KCNAB2: variants seen among roughly 807,000 people sequenced by gnomAD.
KCNAB2 encodes voltage-gated potassium channel subunit beta-2.
KCNAB2 carries 29 observed loss-of-function variants against 63.6 expected under a neutral mutation model. The ratio of observed to expected loss-of-function variants is 0.46; its 90% CI spans 0.34 to 0.62. The LOEUF (loss-of-function observed/expected upper bound fraction) is 0.62. Among genes scored for constraint, KCNAB2 ranks in the 20% least tolerant of loss-of-function variants. The probability of loss-of-function intolerance (pLI) is 0.01; values close to 1 mark genes in which losing one functional copy is unlikely to be tolerated. For synonymous variants in KCNAB2, 222 were observed against 224.2 expected (o/e 0.99, Z 0.09); for missense variants, 359 against 563.9 (o/e 0.64, Z 3.68).
rs1375499432 is a variant in KCNAB2 at position 6,071,892 on chromosome 1, T to A, written c.219-863T>A. Reference sequence around the variant, plus strand: ...GTGGGCTCCTCCTGCCGCGTAGGGCTCCTCCTGCCGCGTAGGGCTCCCGGG... The same window carrying A: ...GTGGGCTCCTCCTGCCGCGTAGGGCACCTCCTGCCGCGTAGGGCTCCCGGG... On this transcript the variant is annotated intron_variant, in intron 2 of 15. Coordinates refer to ENST00000378083, the MANE Select transcript of KCNAB2 (RefSeq NM_001199862.2). The surrounding 1 kb of genome is among the most constrained non-coding windows in gnomAD (Gnocchi z 8.5). 6.6e-5 allele frequency among the ~76,000 whole-genome samples: 10 copies of A among 151,104 alleles called. No individual in the cohort carries two copies. Among genetic ancestry groups the A allele is most frequent in the Admixed American group, 5.9e-4 (9 of 15,210 alleles).
chr1:6,095,117 G>A (rs1181172669), intron 11 of KCNAB2, among the ~76,000 whole-genome samples: 3 of 152,238 alleles, frequency 2.0e-5, no homozygotes, highest in Non-Finnish European at 2.9e-5. Context: ...CCGGCCTGGG[G>A]GTCCCACCAC....
chr1:6,095,661 GA>G (rs1325769522), intron 13 of KCNAB2, 37 bp downstream of exon 13: 2 of 1,597,844 alleles, frequency 1.3e-6, no homozygotes, highest in African/African-American at 2.7e-5. Flanking sequence ...ACGGGCAGGG[GA>G]TAGGCATTTT....
rs930834287 is a variant in KCNAB2 at position 6,069,257 on chromosome 1, A to G, written c.219-3498A>G. ...CCTCCGCAACCAGCTAGCCAAGGCC[A>G]CGGTGCTTGCCCTTCACCTGATCAC... On this transcript the variant is annotated intron_variant, in intron 2 of 15. Transcript: ENST00000378083. The surrounding 1 kb of genome is among the most constrained non-coding windows in gnomAD (Gnocchi z 5.4). Among the ~76,000 whole-genome samples the G allele has an allele frequency of 1.1e-4, 17 of 152,222 alleles. No individual in the cohort carries two copies. Among genetic ancestry groups the G allele is most frequent in the African/African-American group, 3.9e-4 (16 of 41,458 alleles).
At position 6,073,129 on chromosome 1, in the gene KCNAB2, C is replaced by T. The variant is rs758076431; in HGVS notation, c.262+331C>T. On this transcript the variant is annotated intron_variant, in intron 3 of 15. Coordinates refer to ENST00000378083, the MANE Select transcript of KCNAB2 (RefSeq NM_001199862.2). This position sits in a 1 kb window ranked among gnomAD's most constrained non-coding sequence, Gnocchi z 5.7. ...CGGGAGTGCAACGAAGACACCTTAC[C>T]TTCCAAGGCAGGCTCAGCTCGTGAG... Among the ~76,000 whole-genome samples the T allele has an allele frequency of 6.6e-6, 1 of 152,274 alleles. No homozygotes were observed. Among genetic ancestry groups the T allele is most frequent in the Non-Finnish European group, 1.5e-5 (1 of 68,010 alleles).
At chr1:6,013,531 C>G (rs1658313961) in intron 1 of KCNAB2, among the ~76,000 whole-genome samples, 1 of 152,124 alleles carries the variant, frequency 6.6e-6, no homozygotes, top group African/African-American at 2.4e-5. Context: ...CGACCAGCAT[C>G]TGAGGTCAGA....
intron 4 of KCNAB2, among the ~76,000 whole-genome samples, chr1:6,080,140 T>A (rs1424737274): frequency 1.3e-5 from 2 of 152,076 alleles, no homozygotes; most frequent in Admixed American, 1.3e-4. Flanking sequence ...GGAGCGTGAG[T>A]GCCCTAACCA....
chr1:6,034,654 G>A (rs1254287607), exon 1 of KCNAB2: 5 of 152,332 alleles, frequency 3.3e-5, no homozygotes, highest in East Asian at 1.9e-4. Flanking sequence ...TGCACCCTCC[G>A]GAGAAAGCTG....
chr1:6,051,322 C>T (rs1442351951), intron 1 of KCNAB2, among the ~76,000 whole-genome samples, 189 bp from the exon 2 acceptor site: 4 of 152,234 alleles, frequency 2.6e-5, no homozygotes, highest in Non-Finnish European at 4.4e-5. Context: ...CACTGCTTTG[C>T]GGACTGAGAA....
At chr1:6,095,465 G>GCC in intron 12 of KCNAB2, 22 bp downstream of exon 12, 6 of 1,586,148 alleles carry the variant, frequency 3.8e-6, no homozygotes, top group Non-Finnish European at 4.3e-6. Context: ...CGGGCCCCTC[G>GCC]CCCCGCCCCA....
Position 6,050,528 on chromosome 1 carries a change from C to T in KCNAB2, c.-26-983C>T, listed in dbSNP as rs575657700. On this transcript the variant is annotated intron_variant, in intron 1 of 15. Transcript: ENST00000378083. ...TTAACACCAGTGGTTGCGTTCTGGA[C>T]ACACGCTTTCTCCCTTGGCCTTTTA... 1.7e-4 allele frequency among the ~76,000 whole-genome samples: 26 copies of T among 152,368 alleles called. No individual in the cohort carries two copies. The South Asian group carries it at 5.2e-3, about 30-fold the overall frequency.
chr1:6,050,942 G>A (rs998805920), intron 1 of KCNAB2, among the ~76,000 whole-genome samples: 1 of 152,240 alleles, frequency 6.6e-6, no homozygotes, highest in African/African-American at 2.4e-5. Context: ...ACAAGGCTAA[G>A]AGCAAATAGG....
At chr1:6,083,014 G>A (rs534947723) in intron 5 of KCNAB2, among the ~76,000 whole-genome samples, 6 of 152,226 alleles carry the variant, frequency 3.9e-5, no homozygotes, top group Admixed American at 1.3e-4. Flanking sequence ...AGCACCCGGC[G>A]GCAGGGAACC....
At chr1:6,005,372 TGAGGGTGAAC>T (rs1339869663) in intron 1 of KCNAB2, among the ~76,000 whole-genome samples, 1 of 9,754 alleles carries the variant, frequency 1.0e-4, no homozygotes, top group African/African-American at 6.1e-4. Flanking sequence ...AGCTGAGGAG[TGAGGGTGAAC>T]TGGGGGATGT....
intron 5 of KCNAB2, among the ~76,000 whole-genome samples, chr1:6,084,688 T>G (rs547724957): frequency 2.2e-4 from 33 of 151,992 alleles, no homozygotes; most frequent in South Asian, 6.2e-4. Flanking sequence ...TGGTGGCAGG[T>G]GCCTGTAGTC....
chr1:6,027,977 G>A (rs1029860403), intron 1 of KCNAB2, among the ~76,000 whole-genome samples: 1 of 152,248 alleles, frequency 6.6e-6, no homozygotes, highest in Non-Finnish European at 1.5e-5. Flanking sequence ...CTGAGCCAAA[G>A]TCTGGATGGA....
intron 2 of KCNAB2, among the ~76,000 whole-genome samples, chr1:6,072,271 C>G (rs992261600): frequency 6.6e-6 from 1 of 152,190 alleles, no homozygotes; most frequent in Non-Finnish European, 1.5e-5. Flanking sequence ...TCCCCGCACC[C>G]CGAGGGACAG....
rs1398294181 is a variant in KCNAB2, at chr1:6,071,051, T to C, written c.219-1704T>C. 1.3e-5 allele frequency among the ~76,000 whole-genome samples: 2 copies of C among 152,188 alleles called. No individual in the cohort carries two copies. Among genetic ancestry groups the C allele is most frequent in the Non-Finnish European group, 2.9e-5 (2 of 68,034 alleles). The stretch of plus-strand genomic sequence containing the variant: ...GTGACACGTTCAACTGTTTTCAAGC[T>C]GCTTACAAATATTATATCCACTCAT... On this transcript the variant is annotated intron_variant, in intron 2 of 15. Transcript: ENST00000378083. The surrounding 1 kb of genome is among the most constrained non-coding windows in gnomAD (Gnocchi z 8.5).
upstream of KCNAB2, among the ~76,000 whole-genome samples, chr1:6,031,225 C>T (rs1308843466): frequency 6.6e-6 from 1 of 152,112 alleles, no homozygotes; most frequent in Non-Finnish European, 1.5e-5. The surrounding 1 kb of genome is among the most constrained non-coding windows in gnomAD (Gnocchi z 4.1). Flanking sequence ...CATTTATTTC[C>T]TTCTCTCACC....
In KCNAB2 at chr1:6,078,318, C is replaced by T. The variant is rs145541096; in HGVS notation, c.301-3877C>T. ...CATTCTCCCCACTGCAGAGTACTCA[C>T]GTTAATCCCATCTGCAAAGTCCCTC... On this transcript the variant is annotated intron_variant, in intron 4 of 15. Transcript: ENST00000378083. This position sits in a 1 kb window ranked among gnomAD's most constrained non-coding sequence, Gnocchi z 4.2. 8.5e-5 allele frequency among the ~76,000 whole-genome samples: 13 copies of T among 152,360 alleles called. No homozygotes were observed. The East Asian group carries it at 1.3e-3, about 16-fold the overall frequency.
Sources: gnomAD v4.1 joint callset for allele counts (sites outside exome capture counted in the v4.1 genomes callset) on GRCh38, gnomAD v4.1.1 for gene constraint, Gnocchi (gnomAD v3.1) non-coding constraint, MANE v1.5 for transcripts, NCBI Gene and HGNC (gene_info 2026-07-23, HGNC 2026-07-21) for gene names.